B4GALT6: variants seen among roughly 807,000 people sequenced by gnomAD.
B4GALT6 encodes the protein beta-1,4-galactosyltransferase 6.
B4GALT6 carries 14 observed loss-of-function variants against 46.3 expected under a neutral mutation model. That is an observed-to-expected ratio of 0.30 (90% CI 0.20 to 0.47). B4GALT6 has a LOEUF of 0.47. Ranked by LOEUF, B4GALT6 falls within the 20% of genes least tolerant of loss-of-function variation. The pLI is 0.99. For missense variants in B4GALT6, 386 were observed against 480.1 expected (o/e 0.80, Z 1.83); for synonymous variants, 168 against 162.0 (o/e 1.04, Z -0.28).
In B4GALT6 at chr18:31,644,455, G is replaced by C. The variant is rs1164608115; in HGVS notation, c.471+900C>G. 2.6e-5 allele frequency among the ~76,000 whole-genome samples: 4 copies of C among 152,024 alleles called. No individual in the cohort carries two copies. The East Asian group carries it at 7.7e-4, about 29-fold the overall frequency. ...TACTAGTGGTTTTTTTTGGGGGTGG[G>C]GGGAGGTGAAAATACAAATATTCTA... On this transcript the variant is annotated intron_variant, in intron 4 of 8. Transcript: ENST00000306851.
intron 7 of B4GALT6, 125 bp from the exon 8 acceptor site, chr18:31,626,509 C>CCAGTATATATAA: frequency 1.9e-6 from 1 of 536,710 alleles, no homozygotes; most frequent in Admixed American, 3.2e-5. Context: ...GGGCCACAAA[C>CCAGTATATATAA]CAGTATAGGT....
At chr18:31,646,169 C>G (rs1266034621) in intron 3 of B4GALT6, among the ~76,000 whole-genome samples, 1 of 152,244 alleles carries the variant, frequency 6.6e-6, no homozygotes, top group Non-Finnish European at 1.5e-5. Flanking sequence ...ATTCTGAGCA[C>G]TTACCATATA....
chr18:31,666,217 C>A, intron 2 of B4GALT6, 39 bp downstream of exon 2: 1 of 1,241,802 alleles, frequency 8.1e-7, no homozygotes, highest in Non-Finnish European at 1.1e-6. Flanking sequence ...TGGTTTACTG[C>A]TTTGTAACTA....
At chr18:31,678,972 C>T (rs2074448752) in intron 1 of B4GALT6, among the ~76,000 whole-genome samples, 1 of 152,218 alleles carries the variant, frequency 6.6e-6, no homozygotes, top group Non-Finnish European at 1.5e-5. Context: ...AGGAAATTAA[C>T]TACTGTGTAC....
chr18:31,655,770 C>T (rs561776025), intron 3 of B4GALT6, among the ~76,000 whole-genome samples: 21 of 152,256 alleles, frequency 1.4e-4, no homozygotes, highest in Non-Finnish European at 2.8e-4. Context: ...TTCAGTATTA[C>T]ACAGACAAAA....
the B4GALT6 span, among the ~76,000 whole-genome samples, chr18:31,710,265 G>A: frequency 1.3e-5 from 2 of 152,186 alleles, no homozygotes. Flanking sequence ...GAATAACAAT[G>A]AAGCATAAAT....
Position 31,638,751 on chromosome 18 carries a change from G to T in B4GALT6, c.481C>A (p.Leu161Ile). ...TCATGGCGATTACGGAAAGGAATGA[G>T]AACTGCCACCTTTAAAACAAAATAG... ...DCKPRWKVAVLIPFRNRHEHL... is the reference protein window; with the variant it reads ...DCKPRWKVAVIIPFRNRHEHL... The change falls in exon 5 of 9, where the codon CTC becomes ATC. Residue 161 changes from leucine to isoleucine, a missense_variant. Around this residue, in one of 2 missense-constraint regions of B4GALT6, gnomAD observed 323 missense variants for 438.9 expected, o/e 0.74. Transcript: ENST00000306851. 1 of 1,611,608 alleles carries T rather than the reference G, an allele frequency of 6.2e-7. No individual in the cohort carries two copies. Among genetic ancestry groups the T allele is most frequent in the Non-Finnish European group, 8.5e-7 (1 of 1,177,756 alleles).
the B4GALT6 span, among the ~76,000 whole-genome samples, chr18:31,703,633 T>G: frequency 6.6e-6 from 1 of 152,190 alleles, no homozygotes; most frequent in African/African-American, 2.4e-5. Context: ...ATAGGAGAGA[T>G]GCAGATTTTC....
At chr18:31,688,969 A>G (rs113758138), upstream of B4GALT6, among the ~76,000 whole-genome samples, 11 of 152,256 alleles carry the variant, frequency 7.2e-5, no homozygotes, top group African/African-American at 2.6e-4. Context: ...CCATCTTCCA[A>G]ACTTTCTTTA....
At chr18:31,639,846 A>G (rs552200051) in intron 4 of B4GALT6, among the ~76,000 whole-genome samples, 12 of 152,318 alleles carry the variant, frequency 7.9e-5, no homozygotes, top group African/African-American at 2.9e-4. Context: ...ATACAAGAAT[A>G]AATGAATGAT....
At chr18:31,639,465 C>T (rs2073903367) in intron 4 of B4GALT6, among the ~76,000 whole-genome samples, 1 of 151,970 alleles carries the variant, frequency 6.6e-6, no homozygotes, top group South Asian at 2.1e-4. Flanking sequence ...TACAAAAAAC[C>T]TCAATCATAC....
chr18:31,625,866 C>A, intron 8 of B4GALT6, 105 bp from the exon 9 acceptor site: 1 of 890,960 alleles, frequency 1.1e-6, no homozygotes, highest in Non-Finnish European at 1.6e-6. Context: ...CACTTAATGC[C>A]CTTTACAATT....
intron 6 of B4GALT6, among the ~76,000 whole-genome samples, chr18:31,630,682 A>G (rs539898672): frequency 6.6e-6 from 1 of 152,254 alleles, no homozygotes; most frequent in African/African-American, 2.4e-5. Flanking sequence ...TGGAACTGTA[A>G]GTGTGAGAAC....
chr18:31,624,309 T>C lies in B4GALT6; in HGVS notation c.*1305A>G, dbSNP rs1420071005. ...ATACTACATATAGAAGACATTATAA[T>C]ATCAGCGCACTGAATACTGATCATG... On this transcript the variant is annotated 3_prime_UTR_variant, in exon 9 of 9. Transcript: ENST00000306851. The C allele has an allele frequency of 1.3e-5, 2 of 152,028 alleles. No homozygotes were observed. Among genetic ancestry groups the C allele is most frequent in the African/African-American group, 4.8e-5 (2 of 41,432 alleles). The allele number at this position is 152,028 out of a possible 1,614,324, so 9.4% of individuals were successfully genotyped here.
At chr18:31,664,912 T>A (rs1332410179) in intron 2 of B4GALT6, among the ~76,000 whole-genome samples, 1 of 152,224 alleles carries the variant, frequency 6.6e-6, no homozygotes, top group African/African-American at 2.4e-5. Flanking sequence ...TCTAAAAAAA[T>A]TCCTTCAAGG....
At chr18:31,648,472 A>G (rs2074019991) in intron 3 of B4GALT6, among the ~76,000 whole-genome samples, 1 of 152,194 alleles carries the variant, frequency 6.6e-6, no homozygotes, top group African/African-American at 2.4e-5. Flanking sequence ...AAGGTGAAGG[A>G]CAGGGAACTC....
chr18:31,657,465 T>C (rs896360186), intron 3 of B4GALT6, among the ~76,000 whole-genome samples: 3 of 152,200 alleles, frequency 2.0e-5, no homozygotes, highest in Admixed American at 2.0e-4. Context: ...TGAAACAATA[T>C]CTATTTTCTA....
chr18:31,639,683 TTC>T (rs2073905979), intron 4 of B4GALT6, among the ~76,000 whole-genome samples: 1 of 152,318 alleles, frequency 6.6e-6, no homozygotes, highest in South Asian at 2.1e-4. Context: ...GAGAAATTTG[TTC>T]TCATATAAAA....
intron 5 of B4GALT6, 132 bp downstream of exon 5, chr18:31,638,512 G>C: frequency 2.6e-6 from 2 of 776,562 alleles, no homozygotes; most frequent in Non-Finnish European, 4.1e-6. Flanking sequence ...GGGCAACACA[G>C]CAAGACTCTG....
Sources: gnomAD v4.1 joint callset for allele counts (sites outside exome capture counted in the v4.1 genomes callset) on GRCh38, gnomAD v4.1.1 for gene constraint, gnomAD v4.1.1 regional missense constraint, MANE v1.5 for transcripts, NCBI Gene and HGNC (gene_info 2026-07-23, HGNC 2026-07-21) for gene names.